Variants in CA10 observed in about 807,000 individuals in gnomAD.
CA10 encodes the protein carbonic anhydrase 10 (inactive), also known as carbonic anhydrase-related protein 10.
A neutral mutation model predicts 44.2 loss-of-function variants in CA10; 14 were observed. The ratio of observed to expected loss-of-function variants is 0.32; its 90% CI spans 0.21 to 0.50. The LOEUF is 0.50. CA10 is among the 20% of genes least tolerant of loss of function. CA10 has a pLI of 0.99. For missense variants in CA10, 350 were observed against 409.7 expected (o/e 0.85, Z 1.26); for synonymous variants, 159 against 141.6 (o/e 1.12, Z -0.87).
chr17:51,902,886 G>T (rs189925955), intron 3 of CA10, among the ~76,000 whole-genome samples: 31 of 152,240 alleles, frequency 2.0e-4, no homozygotes, highest in Admixed American at 3.9e-4. Context: ...ATCAAATCTA[G>T]AAGTATAACA....
At chr17:51,949,929 A>T (rs1983420268) in intron 2 of CA10, among the ~76,000 whole-genome samples, 1 of 152,258 alleles carries the variant, frequency 6.6e-6, no homozygotes, top group Admixed American at 6.5e-5. Context: ...CCTGTTGGGG[A>T]AAAAAATTTG....
chr17:52,025,085 T>C (rs1986258770), intron 2 of CA10, among the ~76,000 whole-genome samples: 1 of 151,868 alleles, frequency 6.6e-6, no homozygotes, highest in Admixed American at 6.6e-5. Context: ...TCCCAACCCC[T>C]GGTCCATGGA....
chr17:52,042,717 G>T (rs961478449), intron 2 of CA10, among the ~76,000 whole-genome samples: 1 of 151,702 alleles, frequency 6.6e-6, no homozygotes, highest in African/African-American at 2.4e-5. Context: ...ACTTCTAGGA[G>T]TATTAGTTTC....
intron 3 of CA10, among the ~76,000 whole-genome samples, chr17:51,876,854 T>C (rs1021519818): frequency 2.6e-5 from 4 of 152,214 alleles, no homozygotes; most frequent in Non-Finnish European, 5.9e-5. Context: ...GCCTGAGAGC[T>C]CCAATTGTTC....
At chr17:51,823,905 C>T (rs1465460760) in intron 3 of CA10, among the ~76,000 whole-genome samples, 1 of 152,168 alleles carries the variant, frequency 6.6e-6, no homozygotes, top group African/African-American at 2.4e-5. Flanking sequence ...TCTTTATAAC[C>T]TTTCTCAAAG....
rs184337924 is a variant in CA10, at chr17:51,932,941, A to G, written c.137-1809T>C. Among the ~76,000 whole-genome samples, 89 of 152,214 alleles carry G rather than the reference A, an allele frequency of 5.8e-4. 1 individual carries two copies. The highest frequency in any genetic ancestry group is 1.0e-3 in the Non-Finnish European group (69 of 67,996). On this transcript the variant is annotated intron_variant, in intron 2 of 8. Transcript: ENST00000451037. ...AAAACACTGACTTGATCTTATATTTATTTATCCCTCAATCATCTCAAATTA... is the reference window on the plus strand; with the variant it reads ...AAAACACTGACTTGATCTTATATTTGTTTATCCCTCAATCATCTCAAATTA...
chr17:51,840,527 T>G (rs1309415135), intron 3 of CA10, among the ~76,000 whole-genome samples: 2 of 151,694 alleles, frequency 1.3e-5, no homozygotes, highest in Non-Finnish European at 2.9e-5. Flanking sequence ...GTACTATAGT[T>G]TCTTATATCT....
intron 2 of CA10, among the ~76,000 whole-genome samples, chr17:52,032,377 C>T (rs537573384): frequency 6.6e-6 from 1 of 152,216 alleles, no homozygotes; most frequent in East Asian, 1.9e-4. Context: ...TTCTGAATAA[C>T]TGTAATCCAT....
intron 1 of CA10, among the ~76,000 whole-genome samples, chr17:52,089,181 G>T (rs1464223321): frequency 2.6e-5 from 4 of 152,196 alleles, no homozygotes; most frequent in African/African-American, 9.7e-5. Context: ...AGGATAGGAA[G>T]ATTACAGAAG....
chr17:51,841,767 A>G (rs2143805860), intron 3 of CA10, among the ~76,000 whole-genome samples: 1 of 152,324 alleles, frequency 6.6e-6, no homozygotes, highest in African/African-American at 2.4e-5. Context: ...TTTATGATTT[A>G]TTGTCTCCCA....
intron 1 of CA10, among the ~76,000 whole-genome samples, chr17:52,085,869 T>G (rs1662232395): frequency 6.6e-6 from 1 of 152,192 alleles, no homozygotes; most frequent in African/African-American, 2.4e-5. Flanking sequence ...AATATCATAT[T>G]CTTTACTGTA....
chr17:51,886,900 A>G (rs1310136817), intron 3 of CA10, among the ~76,000 whole-genome samples: 1 of 152,110 alleles, frequency 6.6e-6, no homozygotes, highest in African/African-American at 2.4e-5. Flanking sequence ...GACTTATGCC[A>G]TTAGCTCCCC....
chr17:51,824,650 A>T (rs1907940397), intron 3 of CA10, among the ~76,000 whole-genome samples: 2 of 152,206 alleles, frequency 1.3e-5, no homozygotes, highest in African/African-American at 4.8e-5. Flanking sequence ...GTTTAAAACG[A>T]TAACACCCTG....
intron 2 of CA10, among the ~76,000 whole-genome samples, chr17:51,979,914 A>G (rs953989979): frequency 1.3e-5 from 2 of 152,022 alleles, no homozygotes; most frequent in Admixed American, 1.3e-4. Context: ...TCTTTATCCA[A>G]TCTGTCATTG....
intron 1 of CA10, among the ~76,000 whole-genome samples, chr17:52,092,595 T>G (rs953523599): frequency 6.6e-6 from 1 of 152,192 alleles, no homozygotes; most frequent in Admixed American, 6.5e-5. Context: ...CAAACTGACC[T>G]AACCCACAGG....
chr17:51,874,969 C>CT (rs945340484), intron 3 of CA10, among the ~76,000 whole-genome samples: 2 of 106,074 alleles, frequency 1.9e-5, no homozygotes, highest in Non-Finnish European at 3.8e-5. Flanking sequence ...TCTTTTTTTT[C>CT]TTTTCTTTTC....
intron 4 of CA10, among the ~76,000 whole-genome samples, chr17:51,747,288 A>G (rs1268923479): frequency 6.6e-6 from 1 of 152,266 alleles, no homozygotes; most frequent in African/African-American, 2.4e-5. Flanking sequence ...TGAGAGGCTG[A>G]TCGCCCAGAT....
chr17:52,060,411 A>T (rs537794625), intron 2 of CA10, among the ~76,000 whole-genome samples: 2 of 152,282 alleles, frequency 1.3e-5, no homozygotes, highest in East Asian at 3.9e-4. Flanking sequence ...TTAAAAAAAA[A>T]TCTGGAGTTT....
At chr17:52,005,389 C>T (rs1188828032) in intron 2 of CA10, among the ~76,000 whole-genome samples, 2 of 151,826 alleles carry the variant, frequency 1.3e-5, no homozygotes, top group East Asian at 3.9e-4. Flanking sequence ...GGATGACTTC[C>T]AAAGCTTATT....
Sources: allele counts gnomAD v4.1 joint callset (sites outside exome capture counted in the v4.1 genomes callset), GRCh38; gene constraint gnomAD v4.1.1; transcripts MANE v1.5; gene names NCBI Gene and HGNC (gene_info 2026-07-23, HGNC 2026-07-21).